RELCH: variants seen among roughly 807,000 people sequenced by gnomAD.
The protein encoded by RELCH is RAB11 binding and LisH domain, coiled-coil and HEAT repeat containing.
RELCH carries 41 observed loss-of-function variants against 150.3 expected under a neutral mutation model. The observed-to-expected ratio is 0.27, with a 90% CI of 0.21 to 0.35. The LOEUF (loss-of-function observed/expected upper bound fraction) is 0.35, where lower values mean the gene tolerates loss of function less well. Among genes scored for constraint, RELCH ranks in the 10% least tolerant of loss-of-function variants. The probability of loss-of-function intolerance (pLI) is 1.00; values close to 1 mark genes in which losing one functional copy is unlikely to be tolerated. For missense variants in RELCH, 1,092 were observed against 1,467.8 expected (o/e 0.74, Z 4.18); for synonymous variants, 478 against 531.8 (o/e 0.90, Z 1.39).
intron 2 of RELCH, among the ~76,000 whole-genome samples, chr18:62,215,743 G>A (rs986466440): frequency 3.3e-5 from 5 of 152,134 alleles, no homozygotes; most frequent in African/African-American, 9.7e-5. Context: ...TAAGGGGCAT[G>A]ATCAGGATGT....
At chr18:62,220,868 A>G (rs1051438211) in intron 2 of RELCH, 169 bp from the exon 3 acceptor site, 2 of 643,546 alleles carry the variant, frequency 3.1e-6, no homozygotes, top group African/African-American at 1.9e-5. Context: ...TTTGCTTGCA[A>G]ATCAACTCTG....
In RELCH at chr18:62,287,221, TA is replaced by T. The variant is rs1431275268; in HGVS notation, c.3254-128del. The stretch of plus-strand genomic sequence containing the variant: ...AGAAAAAGCAAGTATAAGATATGGG[TA>T]ATCTTTTGAAGTCATTCAGAATTAA... On this transcript the variant is annotated intron_variant, in intron 25 of 28. Coordinates refer to ENST00000644646, the MANE Select transcript of RELCH (RefSeq NM_001346231.2). The T allele has an allele frequency of 6.3e-5, 39 of 617,550 alleles. No homozygotes were observed. In the African/African-American group the frequency reaches 6.8e-4, roughly 11 times the overall value. The allele number at this position is 617,550 out of a possible 1,614,324, so 38.3% of individuals were successfully genotyped here. A position where few individuals can be genotyped will look rare whatever the true frequency, so the allele number is the denominator to read the frequency against.
rs1184178166 is a variant in RELCH, at chr18:62,232,319, T to G, written c.1525-13T>G. 6.4e-7 allele frequency: 1 copy of G among 1,563,154 alleles called. No homozygotes were observed. Among genetic ancestry groups the G allele is most frequent in the Non-Finnish European group, 8.8e-7 (1 of 1,134,824 alleles). On this transcript the variant is annotated splice_polypyrimidine_tract_variant and intron_variant, in intron 9 of 28. Transcript: ENST00000644646. The stretch of plus-strand genomic sequence containing the variant: ...CTCCACTATCATTGTTTATTAATTC[T>G]TTGGTTTTCTAGGTGTCTCGTATTG...
chr18:62,284,361 G>A (rs1027606341), intron 25 of RELCH: 2 of 152,114 alleles, frequency 1.3e-5, no homozygotes, highest in African/African-American at 4.8e-5. Context: ...AACAGATTGA[G>A]GTGAGAAATT....
chr18:62,275,210 T>C (rs1402243797), intron 21 of RELCH, among the ~76,000 whole-genome samples, 164 bp from the exon 22 acceptor site: 1 of 152,186 alleles, frequency 6.6e-6, no homozygotes, highest in Non-Finnish European at 1.5e-5. Flanking sequence ...CCACTGCGCC[T>C]AGCCGAGAAT....
At position 62,221,123 on chromosome 18, in the gene RELCH, A is replaced by T. The variant is rs371321548; in HGVS notation, c.688+15A>T. 1.2e-6 allele frequency: 2 copies of T among 1,612,390 alleles called. No individual in the cohort carries two copies. The highest frequency in any genetic ancestry group is 2.2e-5 in the South Asian group (2 of 90,998). ...AAAGGCCGCAGGTGGTGTACATAAA[A>T]CTTTTTTGAGACTTTTCAACTTTGA... On this transcript the variant is annotated intron_variant, in intron 3 of 28. Coordinates refer to ENST00000644646, the MANE Select transcript of RELCH (RefSeq NM_001346231.2).
intron 1 of RELCH, among the ~76,000 whole-genome samples, chr18:62,195,280 CTGTGTGTGTG>C (rs148387504): frequency 2.9e-5 from 4 of 136,228 alleles, no homozygotes; most frequent in African/African-American, 5.2e-5. Context: ...TACACACACT[CTGTGTGTGTG>C]TGTGTGTGTG....
At chr18:62,206,507 T>C (rs1032883819) in intron 1 of RELCH, among the ~76,000 whole-genome samples, 6 of 152,188 alleles carry the variant, frequency 3.9e-5, no homozygotes, top group Non-Finnish European at 8.8e-5. Flanking sequence ...GAGCCCAAGG[T>C]GGAGTCCAAA....
At chr18:62,256,702 T>A (rs1425664429) in intron 13 of RELCH, among the ~76,000 whole-genome samples, 1 of 152,042 alleles carries the variant, frequency 6.6e-6, no homozygotes, top group East Asian at 1.9e-4. Context: ...GAGTAATGCC[T>A]CCTGACCAAT....
intron 22 of RELCH, among the ~76,000 whole-genome samples, chr18:62,279,013 A>G (rs758415341): frequency 2.0e-5 from 3 of 152,196 alleles, no homozygotes; most frequent in Admixed American, 6.5e-5. Context: ...CCTGTTTGTC[A>G]GGCACAGTAT....
rs375202536 is a variant in RELCH at position 62,302,986 on chromosome 18, C to A, written c.3531-2428C>A. On this transcript the variant is annotated intron_variant, in intron 28 of 28. Transcript: ENST00000644646. ...GGTAGCCCATTTCATTTTAATAACT[C>A]TTTTTAAAAAATTATCTTTTCCTGG... Among the ~76,000 whole-genome samples, 8 of 152,238 alleles carry A rather than the reference C, an allele frequency of 5.3e-5. No homozygotes were observed. In the South Asian group the frequency reaches 1.7e-3, roughly 32 times the overall value.
chr18:62,266,077 T>C (rs1021702235), intron 18 of RELCH, among the ~76,000 whole-genome samples: 5 of 151,906 alleles, frequency 3.3e-5, no homozygotes, highest in Admixed American at 1.3e-4. Context: ...AATCTACTTA[T>C]GTACTTAACA....
At chr18:62,255,039 A>G (rs894582041) in intron 12 of RELCH, among the ~76,000 whole-genome samples, 2 of 152,130 alleles carry the variant, frequency 1.3e-5, no homozygotes, top group South Asian at 4.1e-4. Context: ...GACCGTATCT[A>G]TAAGATCCAG....
chr18:62,266,671 CT>C (rs35272171), intron 18 of RELCH, 29 bp from the exon 19 acceptor site: 2 of 1,534,918 alleles, frequency 1.3e-6, no homozygotes, highest in South Asian at 1.1e-5. Context: ...GAACCTGAGA[CT>C]TTTTGAATCT....
chr18:62,207,833 T>C (rs1481534003), intron 1 of RELCH, among the ~76,000 whole-genome samples: 1 of 152,218 alleles, frequency 6.6e-6, no homozygotes, highest in Non-Finnish European at 1.5e-5. Context: ...CCCATTCTCC[T>C]ATGATGCCAG....
intron 25 of RELCH, among the ~76,000 whole-genome samples, chr18:62,286,570 T>G (rs1324005190): frequency 6.6e-6 from 1 of 152,022 alleles, no homozygotes; most frequent in Non-Finnish European, 1.5e-5. Flanking sequence ...TGGCGTTTTG[T>G]GATCCTCAAC....
At chr18:62,190,810 C>A (rs2038575000) in intron 1 of RELCH, among the ~76,000 whole-genome samples, 1 of 152,118 alleles carries the variant, frequency 6.6e-6, no homozygotes, top group Non-Finnish European at 1.5e-5. Flanking sequence ...CCTCTACCCA[C>A]CAGATGCCTT....
chr18:62,199,301 C>T (rs561016396), intron 1 of RELCH, among the ~76,000 whole-genome samples: 1 of 151,756 alleles, frequency 6.6e-6, no homozygotes, highest in Non-Finnish European at 1.5e-5. Context: ...ATATACAGAC[C>T]TGTGAATATG....
chr18:62,191,816 C>T (rs1444617413), intron 1 of RELCH, among the ~76,000 whole-genome samples: 1 of 152,004 alleles, frequency 6.6e-6, no homozygotes, highest in Non-Finnish European at 1.5e-5. Context: ...TGGGTTGATT[C>T]CCATGTCTTT....
Sources: allele counts gnomAD v4.1 joint callset (sites outside exome capture counted in the v4.1 genomes callset), GRCh38; gene constraint gnomAD v4.1.1; transcripts MANE v1.5; gene names NCBI Gene and HGNC (gene_info 2026-07-23, HGNC 2026-07-21).